Variants in NCOA3 observed in about 807,000 individuals in gnomAD.
NCOA3 encodes the protein nuclear receptor coactivator 3.
NCOA3 carries 51 observed loss-of-function variants against 158.8 expected under a neutral mutation model. The observed-to-expected ratio is 0.32, with a 90% CI of 0.26 to 0.41. The LOEUF is 0.41. Among genes scored for constraint, NCOA3 ranks in the 10% least tolerant of loss-of-function variants. NCOA3 has a pLI of 1.00. For synonymous variants in NCOA3, 537 were observed against 592.4 expected (o/e 0.91, Z 1.36); for missense variants, 1,510 against 1,746.6 (o/e 0.86, Z 2.41).
intron 20 of NCOA3, among the ~76,000 whole-genome samples, chr20:47,652,019 G>A (rs528205605): frequency 6.6e-6 from 1 of 152,152 alleles, no homozygotes; most frequent in East Asian, 1.9e-4. Flanking sequence ...CCTTTGAGAG[G>A]TTCCAGGAAC....
chr20:47,520,768 G>T (rs1471204409), intron 1 of NCOA3, among the ~76,000 whole-genome samples: 1 of 152,112 alleles, frequency 6.6e-6, no homozygotes, highest in East Asian at 1.9e-4. Flanking sequence ...CCCTCTGAAG[G>T]TCCTTTGCGC....
Position 47,642,263 on chromosome 20 carries a change from T to C in NCOA3, c.3131T>C (p.Leu1044Pro). 2 of 1,610,798 alleles carry C rather than the reference T, an allele frequency of 1.2e-6. No individual in the cohort carries two copies. The change falls in exon 17 of 23, where the codon CTG (leucine) becomes CCG (proline). Residue 1044 changes from leucine (L) to proline (P), a missense_variant. Leu to Pro is a moderately conservative substitution (Grantham distance 98, BLOSUM62 -3). Transcript: ENST00000371998. The stretch of plus-strand genomic sequence containing the variant: ...GATCTTGTTGGGCCACCTTCCAACC[T>C]GGAAGGCCAGAGTGACGAAAGAGCA... ...LDDLVGPPSN[L>P]EGQSDERALL...
intron 1 of NCOA3, among the ~76,000 whole-genome samples, chr20:47,567,677 C>G (rs543745011): frequency 6.6e-6 from 1 of 152,278 alleles, no homozygotes; most frequent in East Asian, 1.9e-4. Flanking sequence ...TCAAGTGATT[C>G]TCTTGCCTCA....
At position 47,653,607 on chromosome 20, in the gene NCOA3, T is replaced by C. The variant is rs894869050; in HGVS notation, c.*190T>C. On this transcript the variant is annotated 3_prime_UTR_variant, in exon 23 of 23. Transcript: ENST00000371998. The stretch of plus-strand genomic sequence containing the variant: ...TAAGCCGAAGGGCAATATCTACGTG[T>C]TTTTCCCCCCTCCTTCTGCTGTGTA... 9.0e-5 allele frequency: 61 copies of C among 678,654 alleles called. No individual in the cohort carries two copies. The highest frequency in any genetic ancestry group is 2.6e-4 in the South Asian group (13 of 50,042). The allele number at this position is 678,654 out of a possible 1,614,324, so 42.0% of individuals were successfully genotyped here.
At position 47,635,415 on chromosome 20, in the gene NCOA3, T is replaced by C; in HGVS notation, c.1206T>C (p.Ser402=). ...GCAACAGTTCGGTAGGCGGCATGAG[T>C]ATGTCGCCAAACCAAGGCTTACAGA... The part of the protein sequence containing the change: ...AGCNSSVGGM[S]MSPNQGLQMP... Residue 402 remains serine, a synonymous_variant, in exon 11 of 23, where the codon AGT becomes AGC. Coordinates refer to ENST00000371998, the MANE Select transcript of NCOA3 (RefSeq NM_181659.3). 6.2e-7 allele frequency: 1 copy of C among 1,614,132 alleles called. No homozygotes were observed. The highest frequency in any genetic ancestry group is 8.5e-7 in the Non-Finnish European group (1 of 1,180,024).
At chr20:47,617,738 A>G (rs760521791) in intron 2 of NCOA3, among the ~76,000 whole-genome samples, 9 of 152,190 alleles carry the variant, frequency 5.9e-5, no homozygotes, top group Non-Finnish European at 8.8e-5. Context: ...GGGGACCAGA[A>G]ATGCTTTTTT....
chr20:47,610,503 A>C (rs2086026036), intron 2 of NCOA3, among the ~76,000 whole-genome samples: 1 of 152,190 alleles, frequency 6.6e-6, no homozygotes, highest in African/African-American at 2.4e-5. Context: ...TACAGGTGTG[A>C]GCTACTGAAA....
chr20:47,594,844 C>T (rs188053821), intron 2 of NCOA3, among the ~76,000 whole-genome samples: 95 of 128,622 alleles, frequency 7.4e-4, no homozygotes, highest in East Asian at 3.2e-3. Flanking sequence ...CAGTCTGGAG[C>T]GCAGTACCGC....
chr20:47,575,347 AC>A (rs1193939761), intron 1 of NCOA3, among the ~76,000 whole-genome samples: 1 of 152,154 alleles, frequency 6.6e-6, no homozygotes, highest in Non-Finnish European at 1.5e-5. Flanking sequence ...GCTTTTGCAA[AC>A]CATGTTGAAA....
intron 2 of NCOA3, among the ~76,000 whole-genome samples, chr20:47,602,918 GT>G (rs1028792988): frequency 1.3e-4 from 20 of 151,640 alleles, no homozygotes; most frequent in African/African-American, 4.4e-4. Flanking sequence ...ATAGTGAAGG[GT>G]TTTTTTTAGG....
At chr20:47,520,295 C>G (rs1198659092) in intron 1 of NCOA3, among the ~76,000 whole-genome samples, 2 of 152,034 alleles carry the variant, frequency 1.3e-5, no homozygotes, top group East Asian at 1.9e-4. Flanking sequence ...GACTCTGTCT[C>G]TCTCTTTCTC....
chr20:47,622,441 A>C (rs2086256788), intron 3 of NCOA3, 111 bp downstream of exon 3: 1 of 701,510 alleles, frequency 1.4e-6, no homozygotes, highest in African/African-American at 1.9e-5. Context: ...TGGTGGTTTC[A>C]CTTCGTGGTA....
rs1355639181 is a variant in NCOA3, at chr20:47,538,965, C to T, written c.-99+36946C>T. Among the ~76,000 whole-genome samples, 6 of 152,204 alleles carry T rather than the reference C, an allele frequency of 3.9e-5. No individual in the cohort carries two copies. In the South Asian group the frequency reaches 1.2e-3, roughly 31 times the overall value. Reference sequence around the variant, plus strand: ...CTGTTCTGGCTGTTTTACTTTTTCTCAAACCTTTTATTTAGAACAAAAACT... The same window carrying T: ...CTGTTCTGGCTGTTTTACTTTTTCTTAAACCTTTTATTTAGAACAAAAACT... On this transcript the variant is annotated intron_variant, in intron 1 of 22. Transcript: ENST00000371998.
At chr20:47,609,705 G>A (rs1235846042) in intron 2 of NCOA3, among the ~76,000 whole-genome samples, 1 of 151,272 alleles carries the variant, frequency 6.6e-6, no homozygotes, top group Non-Finnish European at 1.5e-5. Flanking sequence ...CTCCAGCCCG[G>A]GTGACAGGGC....
chr20:47,627,410 C>T (rs758280778), intron 6 of NCOA3, 151 bp from the exon 7 acceptor site: 10 of 706,798 alleles, frequency 1.4e-5, no homozygotes, highest in African/African-American at 7.2e-5. Flanking sequence ...TGAAATTATT[C>T]ACATGTTTTG....
At chr20:47,526,193 C>T (rs971696417) in intron 1 of NCOA3, among the ~76,000 whole-genome samples, 2 of 151,452 alleles carry the variant, frequency 1.3e-5, no homozygotes, top group African/African-American at 2.4e-5. Context: ...CCTCACTTCC[C>T]AGATGTGATG....
intron 1 of NCOA3, among the ~76,000 whole-genome samples, chr20:47,560,119 G>T (rs1293109138): frequency 1.3e-5 from 2 of 152,110 alleles, no homozygotes; most frequent in African/African-American, 2.4e-5. Flanking sequence ...TCGCTCTGTT[G>T]CCCAGGCTAG....
chr20:47,558,820 CTT>C (rs56997127), intron 1 of NCOA3, among the ~76,000 whole-genome samples: 12 of 114,490 alleles, frequency 1.0e-4, no homozygotes, highest in Non-Finnish European at 1.8e-4. Context: ...ACTTTTTTCA[CTT>C]TTTTTTTTTT....
intron 1 of NCOA3, among the ~76,000 whole-genome samples, chr20:47,563,547 G>T (rs200057827): frequency 1.3e-5 from 2 of 152,148 alleles, no homozygotes; most frequent in Non-Finnish European, 2.9e-5. Flanking sequence ...AAATTTGAGT[G>T]CAGGCTGGGC....
Sources: allele counts gnomAD v4.1 joint callset (sites outside exome capture counted in the v4.1 genomes callset), GRCh38; gene constraint gnomAD v4.1.1; transcripts MANE v1.5; gene names NCBI Gene and HGNC (gene_info 2026-07-23, HGNC 2026-07-21).